MME: variants seen among roughly 807,000 people sequenced by gnomAD.
MME encodes the protein neprilysin.
MME carries 98 observed loss-of-function variants against 113.2 expected under a neutral mutation model. The ratio of observed to expected loss-of-function variants is 0.87; its 90% CI spans 0.74 to 1.02. MME has a LOEUF of 1.02. Among genes scored for constraint, MME ranks in the 50% least tolerant of loss-of-function variants. MME has a pLI of 0.00. For missense variants in MME, 836 were observed against 896.0 expected (o/e 0.93, Z 0.86); for synonymous variants, 292 against 300.6 (o/e 0.97, Z 0.30).
intron 16 of MME, among the ~76,000 whole-genome samples, chr3:155,156,579 C>A (rs1374408793): frequency 6.6e-6 from 1 of 151,808 alleles, no homozygotes; most frequent in East Asian, 1.9e-4. Flanking sequence ...CCATATTGTG[C>A]CTCAGTTTCT....
intron 8 of MME, among the ~76,000 whole-genome samples, chr3:155,133,062 A>AAAATATATATATATATATATATAT (rs1553762419): frequency 1.9e-3 from 140 of 74,740 alleles, no homozygotes; most frequent in Non-Finnish European, 2.7e-3. Context: ...AAAAAAAAAA[A>AAAATATATATATATATATATATAT]ATATATATAT....
intron 20 of MME, among the ~76,000 whole-genome samples, chr3:155,170,112 C>T (rs938877242): frequency 6.6e-6 from 1 of 152,116 alleles, no homozygotes; most frequent in Non-Finnish European, 1.5e-5. Context: ...GTGGCACGAA[C>T]TCGGCTCACT....
chr3:155,142,904 T>G (rs1222084650), intron 12 of MME, among the ~76,000 whole-genome samples: 1 of 152,176 alleles, frequency 6.6e-6, no homozygotes, highest in Non-Finnish European at 1.5e-5. Context: ...TAACGTGGAC[T>G]GATTAAAATT....
At chr3:155,154,710 T>C (rs1214751071) in intron 16 of MME, among the ~76,000 whole-genome samples, 3 of 152,210 alleles carry the variant, frequency 2.0e-5, no homozygotes. Flanking sequence ...TCTAACTAAG[T>C]TCTGTATAGT....
intron 1 of MME, among the ~76,000 whole-genome samples, chr3:155,074,566 G>C (rs751326321): frequency 2.6e-5 from 4 of 151,834 alleles, no homozygotes; most frequent in Non-Finnish European, 2.9e-5. Context: ...TGAGTAGCTG[G>C]GATTACAAGC....
At chr3:155,149,030 G>T (rs1721732258) in intron 16 of MME, among the ~76,000 whole-genome samples, 1 of 151,918 alleles carries the variant, frequency 6.6e-6, no homozygotes, top group Admixed American at 6.6e-5. Flanking sequence ...TCTGCTGACA[G>T]CCCCACCTTT....
rs1381495272 is a variant in MME, at chr3:155,031,724, C to CT, written c.-11+7402dup. On this transcript the variant is annotated intron_variant, in intron 1 of 22. Coordinates refer to the MME transcript ENST00000492661. ...CCAGGCTGAAGTGCAGTGGCAAGAT[C>CT]TTGGCTCACTGCAACCTCTGCCTCC... Among the ~76,000 whole-genome samples, 6 of 152,306 alleles carry CT rather than the reference C, an allele frequency of 3.9e-5. No individual in the cohort carries two copies. The East Asian group carries it at 9.7e-4, about 25-fold the overall frequency.
At chr3:155,138,327 A>G (rs1720801460) in intron 9 of MME, 91 bp downstream of exon 9, 1 of 1,371,746 alleles carries the variant, frequency 7.3e-7, no homozygotes, top group Admixed American at 1.8e-5. Flanking sequence ...TAAAAGGTAC[A>G]GCACTTTAAC....
At chr3:155,174,671 G>A (rs1194004397) in intron 22 of MME, among the ~76,000 whole-genome samples, 1 of 151,886 alleles carries the variant, frequency 6.6e-6, no homozygotes, top group African/African-American at 2.4e-5. Flanking sequence ...AAAACAAAAG[G>A]CAAAATACAC....
intron 14 of MME, 30 bp from the exon 15 acceptor site, chr3:155,147,114 T>A (rs180857382): frequency 7.4e-7 from 1 of 1,357,752 alleles, no homozygotes; most frequent in African/African-American, 1.4e-5. Context: ...TATATAATCA[T>A]CTTCACATTC....
chr3:155,167,078 A>G, intron 18 of MME, 57 bp downstream of exon 18: 1 of 1,597,396 alleles, frequency 6.3e-7, no homozygotes. Context: ...AATTTGATTA[A>G]GAGTTATTAT....
chr3:155,101,755 A>T (rs1203474619), intron 3 of MME, among the ~76,000 whole-genome samples: 1 of 151,810 alleles, frequency 6.6e-6, no homozygotes, highest in Non-Finnish European at 1.5e-5. Flanking sequence ...TGTGTGACTT[A>T]TTTCTGTTGC....
At chr3:155,133,062 A>AAAATATATAT (rs1553762419) in intron 8 of MME, among the ~76,000 whole-genome samples, 1 of 75,100 alleles carries the variant, frequency 1.3e-5, no homozygotes, top group Middle Eastern at 6.2e-3. Flanking sequence ...AAAAAAAAAA[A>AAAATATATAT]ATATATATAT....
At chr3:155,161,399 T>C (rs1291537616) in intron 17 of MME, among the ~76,000 whole-genome samples, 3 of 152,142 alleles carry the variant, frequency 2.0e-5, no homozygotes, top group Non-Finnish European at 4.4e-5. Context: ...TTCTAAACCA[T>C]TCTTCTTATA....
chr3:155,142,295 C>T lies in MME; in HGVS notation c.1153C>T (p.Arg385Ter), dbSNP rs772217958. 7.4e-6 allele frequency: 12 copies of T among 1,613,276 alleles called. No individual in the cohort carries two copies. The highest frequency in any genetic ancestry group is 6.7e-5 in the African/African-American group (5 of 74,810). The change falls in exon 12 of 23, where the codon CGA becomes TGA. Residue 385 changes from arginine to a stop codon, truncating the protein, a stop_gained. Coordinates refer to ENST00000360490, the MANE Select transcript of MME (RefSeq NM_007289.4). LOFTEE classifies it high-confidence loss of function. ...AATGGATCTTGTAAGCAGCCTCAGC[C>T]GAACCTACAAGGAGTCCAGAAATGC... ...FIMDLVSSLS[R>*]TYKESRNAFR...
Position 155,050,855 on chromosome 3 carries a change from T to C in MME, c.-11+26531T>C, listed in dbSNP as rs147151779. Reference sequence around the variant, plus strand: ...TTTAATTCAATCCCACTTGTCAACATTTGCTTGTGTTGCAACTGCTTTTGG... The same window carrying C: ...TTTAATTCAATCCCACTTGTCAACACTTGCTTGTGTTGCAACTGCTTTTGG... On this transcript the variant is annotated intron_variant, in intron 1 of 22. Transcript: ENST00000492661. 4.8e-3 allele frequency among the ~76,000 whole-genome samples: 732 copies of C among 152,324 alleles called. 5 individuals are homozygous for C. The highest frequency in any genetic ancestry group is 0.015 in the East Asian group (80 of 5,180).
chr3:155,065,397 T>C (rs946096404), intron 1 of MME, among the ~76,000 whole-genome samples: 1 of 152,186 alleles, frequency 6.6e-6, no homozygotes, highest in Non-Finnish European at 1.5e-5. Flanking sequence ...TTAGAAAATA[T>C]TTATGAAATA....
At chr3:155,133,062 A>AAATATATATATAT (rs1553762419) in intron 8 of MME, among the ~76,000 whole-genome samples, 2 of 75,078 alleles carry the variant, frequency 2.7e-5, no homozygotes, top group East Asian at 3.2e-4. Context: ...AAAAAAAAAA[A>AAATATATATATAT]ATATATATAT....
At chr3:155,174,736 T>G (rs1398928833) in intron 22 of MME, among the ~76,000 whole-genome samples, 1 of 152,096 alleles carries the variant, frequency 6.6e-6, no homozygotes, top group Non-Finnish European at 1.5e-5. Flanking sequence ...CTATTGTTGT[T>G]TTATTCTTCC....
Sources: gnomAD v4.1 joint callset for allele counts (sites outside exome capture counted in the v4.1 genomes callset) on GRCh38, gnomAD v4.1.1 for gene constraint, MANE v1.5 for transcripts, NCBI Gene and HGNC (gene_info 2026-07-23, HGNC 2026-07-21) for gene names.